DNM3: variants seen among roughly 807,000 people sequenced by gnomAD.
DNM3 encodes dynamin-3.
Under a neutral mutation model 101.6 loss-of-function variants are expected in DNM3, and 47 were observed. That is an observed-to-expected ratio of 0.46 (90% CI 0.37 to 0.59). The LOEUF (loss-of-function observed/expected upper bound fraction) is 0.59, where lower values mean the gene tolerates loss of function less well. Ranked by LOEUF, DNM3 falls within the 20% of genes least tolerant of loss-of-function variation. The pLI is 0.00. For synonymous variants in DNM3, 385 were observed against 387.9 expected, an observed-to-expected ratio of 0.99 and a Z score of 0.09; for missense variants, 849 against 1,085.7, an observed-to-expected ratio of 0.78 and a Z score of 3.06.
intron 14 of DNM3, among the ~76,000 whole-genome samples, chr1:172,222,041 G>A (rs900459385): frequency 4.6e-5 from 7 of 152,126 alleles, no homozygotes; most frequent in East Asian, 3.9e-4. Context: ...AATGGGAATA[G>A]ATAAGGAGAC....
At chr1:172,208,038 A>G (rs923885427) in intron 14 of DNM3, among the ~76,000 whole-genome samples, 1 of 152,112 alleles carries the variant, frequency 6.6e-6, no homozygotes, top group Non-Finnish European at 1.5e-5. Flanking sequence ...TGAAAAAAAA[A>G]ATCCTTGCTT....
intron 15 of DNM3, among the ~76,000 whole-genome samples, chr1:172,300,644 C>A (rs1485108834): frequency 6.6e-6 from 1 of 152,068 alleles, no homozygotes; most frequent in Non-Finnish European, 1.5e-5. Context: ...TTACCTATCA[C>A]CTTATAAAAA....
intron 17 of DNM3, among the ~76,000 whole-genome samples, chr1:172,362,062 G>T (rs1321643935): frequency 6.6e-6 from 1 of 151,924 alleles, no homozygotes; most frequent in Non-Finnish European, 1.5e-5. Flanking sequence ...CCAACCAGAA[G>T]AAGCTGCCCA....
In DNM3 at chr1:172,033,214, A is replaced by T. The variant is rs1331287985; in HGVS notation, c.798A>T (p.Arg266Ser). The change falls in exon 6 of 21, where the codon AGA becomes AGT. Residue 266 changes from arginine (R) to serine (S), a missense_variant. Coordinates refer to ENST00000627582, the MANE Select transcript of DNM3 (RefSeq NM_015569.5). Reference sequence around the variant, plus strand: ...TTTTCCTTTCCCACCCGGCTTACAGACATATCGCTGACCGAATGGGAACCC... The same window carrying T: ...TTTTCCTTTCCCACCCGGCTTACAGTCATATCGCTGACCGAATGGGAACCC... ...RKFFLSHPAY[R>S]HIADRMGTPH... 1 of 1,608,080 alleles carries T rather than the reference A, an allele frequency of 6.2e-7. No homozygotes were observed. The highest frequency in any genetic ancestry group is 1.1e-5 in the South Asian group (1 of 89,674).
chr1:172,289,651 T>G (rs1194658711), intron 15 of DNM3: 38 of 983,338 alleles, frequency 3.9e-5, no homozygotes, highest in Non-Finnish European at 4.6e-5. Flanking sequence ...ATGCTGACAA[T>G]CTATTTTTTG....
At chr1:172,201,743 G>A (rs2060160678) in intron 14 of DNM3, among the ~76,000 whole-genome samples, 2 of 152,198 alleles carry the variant, frequency 1.3e-5, no homozygotes, top group African/African-American at 2.4e-5. Flanking sequence ...GCCCCTGGGG[G>A]CCTGGTCCAA....
intron 11 of DNM3, among the ~76,000 whole-genome samples, chr1:172,079,523 C>T (rs541488238): frequency 6.6e-6 from 1 of 152,200 alleles, no homozygotes; most frequent in South Asian, 2.1e-4. Flanking sequence ...ATTTCTCTAA[C>T]ATTTTTTCAA....
chr1:171,966,116 C>T (rs1049794196), intron 2 of DNM3, among the ~76,000 whole-genome samples: 3 of 152,180 alleles, frequency 2.0e-5, no homozygotes, highest in Non-Finnish European at 4.4e-5. Flanking sequence ...TTGAAGTCCC[C>T]TTGCCCTCCC....
intron 15 of DNM3, among the ~76,000 whole-genome samples, chr1:172,271,474 A>C (rs1361177151): frequency 6.6e-6 from 1 of 152,134 alleles, no homozygotes; most frequent in African/African-American, 2.4e-5. Flanking sequence ...GTAGTTTAAC[A>C]GAAGACAGCT....
intron 12 of DNM3, among the ~76,000 whole-genome samples, chr1:172,086,091 A>G (rs966601473): frequency 3.9e-5 from 6 of 152,188 alleles, no homozygotes; most frequent in African/African-American, 1.4e-4. Context: ...TCCAAGCACC[A>G]TTTTAAAAAT....
intron 14 of DNM3, among the ~76,000 whole-genome samples, chr1:172,207,322 A>C (rs1303307660): frequency 6.6e-6 from 1 of 152,112 alleles, no homozygotes; most frequent in Non-Finnish European, 1.5e-5. Context: ...GTTCCCCTGT[A>C]TTCTTTAGTC....
chr1:172,136,448 G>A (rs2057233794), intron 14 of DNM3: 1 of 152,052 alleles, frequency 6.6e-6, no homozygotes, highest in African/African-American at 2.4e-5. Flanking sequence ...TCGACCCTGT[G>A]AACACTGTTC....
chr1:171,879,980 A>G (rs1469667830), intron 1 of DNM3, among the ~76,000 whole-genome samples: 1 of 152,230 alleles, frequency 6.6e-6, no homozygotes, highest in Non-Finnish European at 1.5e-5. Flanking sequence ...TTCAAGTCTT[A>G]TGGAAGTGCA....
intron 13 of DNM3, among the ~76,000 whole-genome samples, chr1:172,111,756 A>G (rs943838918): frequency 1.3e-5 from 2 of 152,194 alleles, no homozygotes; most frequent in African/African-American, 2.4e-5. Flanking sequence ...AGAGAGCCAC[A>G]TGGGCTACCA....
chr1:171,888,186 C>A (rs916568894), intron 1 of DNM3, among the ~76,000 whole-genome samples: 1 of 150,894 alleles, frequency 6.6e-6, no homozygotes, highest in Non-Finnish European at 1.5e-5. Context: ...TTAGAAAAAT[C>A]ATTTGCTTGT....
chr1:172,050,104 T>C (rs2050101518), intron 10 of DNM3, among the ~76,000 whole-genome samples: 1 of 151,928 alleles, frequency 6.6e-6, no homozygotes, highest in South Asian at 2.1e-4. Flanking sequence ...GCCCATGGAG[T>C]TGAAAAAAAT....
chr1:172,375,946 CA>C (rs757873203), intron 17 of DNM3, among the ~76,000 whole-genome samples: 2 of 151,708 alleles, frequency 1.3e-5, no homozygotes, highest in African/African-American at 2.4e-5. Context: ...GAGCTATGAT[CA>C]CGCCACTGCA....
Position 171,951,552 on chromosome 1 carries a change from G to A in DNM3, c.235+29731G>A, listed in dbSNP as rs147341676. Among the ~76,000 whole-genome samples, 18 of 152,276 alleles carry A rather than the reference G, an allele frequency of 1.2e-4. No homozygotes were observed. In the East Asian group the frequency reaches 2.1e-3, roughly 18 times the overall value. ...AGTGGTCAATGAGCATCTTGAGAGTGAAGACCATGCCTTATTTATGTTGTA... is the reference window on the plus strand; with the variant it reads ...AGTGGTCAATGAGCATCTTGAGAGTAAAGACCATGCCTTATTTATGTTGTA... On this transcript the variant is annotated intron_variant, in intron 2 of 20. Transcript: ENST00000627582.
Position 171,931,134 on chromosome 1 carries a change from A to T in DNM3, c.235+9313A>T, listed in dbSNP as rs1391805051. 2.0e-5 allele frequency among the ~76,000 whole-genome samples: 3 copies of T among 152,170 alleles called. 1 individual carries two copies. The highest frequency in any genetic ancestry group is 2.0e-4 in the Admixed American group (3 of 15,274). ...AAAACTTATGCTATGAAAACTATAAATTATTGTTGAAAGAAATTAGAGAAG... is the reference window on the plus strand; with the variant it reads ...AAAACTTATGCTATGAAAACTATAATTTATTGTTGAAAGAAATTAGAGAAG... On this transcript the variant is annotated intron_variant, in intron 2 of 20. Coordinates refer to ENST00000627582, the MANE Select transcript of DNM3 (RefSeq NM_015569.5).
Sources: gnomAD v4.1 joint callset for allele counts (sites outside exome capture counted in the v4.1 genomes callset) on GRCh38, gnomAD v4.1.1 for gene constraint, MANE v1.5 for transcripts, NCBI Gene and HGNC (gene_info 2026-07-23, HGNC 2026-07-21) for gene names.